Variants in TMEM108 observed in about 807,000 individuals in gnomAD.
TMEM108 encodes cancer/testis antigen 124.
In TMEM108, 12 loss-of-function variants were observed where a neutral mutation model predicts 35.1. The observed-to-expected ratio is 0.34, with a 90% CI of 0.22 to 0.55. TMEM108 has a LOEUF of 0.55. TMEM108 is among the 20% of genes least tolerant of loss of function. TMEM108 has a pLI of 0.89. For synonymous variants in TMEM108, 287 were observed against 308.6 expected (o/e 0.93, Z 0.73); for missense variants, 680 against 753.3 (o/e 0.90, Z 1.14).
chr3:133,039,120 C>T (rs553649279), intron 1 of TMEM108, among the ~76,000 whole-genome samples: 1 of 152,182 alleles, frequency 6.6e-6, no homozygotes, highest in African/African-American at 2.4e-5. Flanking sequence ...AGTTGGGCAC[C>T]GGTGGAGCCG....
chr3:133,124,112 C>G (rs752749830), intron 2 of TMEM108, among the ~76,000 whole-genome samples: 5 of 152,140 alleles, frequency 3.3e-5, no homozygotes, highest in African/African-American at 1.2e-4. Context: ...AGTATTTCAT[C>G]TTAGGGTACC....
intron 5 of TMEM108, among the ~76,000 whole-genome samples, chr3:133,393,871 C>T (rs1375403284): frequency 1.3e-5 from 2 of 152,184 alleles, no homozygotes; most frequent in African/African-American, 4.8e-5. Context: ...GCACAGAGCA[C>T]GAGGGCTGCC....
At chr3:133,237,718 C>A (rs1251411868) in intron 3 of TMEM108, among the ~76,000 whole-genome samples, 1 of 152,078 alleles carries the variant, frequency 6.6e-6, no homozygotes, top group Non-Finnish European at 1.5e-5. Flanking sequence ...GATAAGAGAA[C>A]CAGCTGTCTT....
chr3:133,284,531 C>G (rs1946958503), intron 3 of TMEM108, among the ~76,000 whole-genome samples: 2 of 152,222 alleles, frequency 1.3e-5, no homozygotes, highest in Admixed American at 1.3e-4. Flanking sequence ...GGCTGACATT[C>G]CTACCTTGTC....
chr3:133,291,427 T>C (rs565534597), intron 3 of TMEM108, among the ~76,000 whole-genome samples: 13 of 152,182 alleles, frequency 8.5e-5, no homozygotes, highest in Admixed American at 5.9e-4. Context: ...CTCATAAGCA[T>C]GTACCACCAC....
rs897593495 is a variant in TMEM108, at chr3:133,259,095, T to G, written c.40+29744T>G. On this transcript the variant is annotated intron_variant, in intron 3 of 5. Transcript: ENST00000321871. ...TCTCCCAGTTACCAAGGAGACCTTA[T>G]TGGCCTTAATACATTACCACCACTA... 2.0e-5 allele frequency among the ~76,000 whole-genome samples: 3 copies of G among 152,214 alleles called. No individual in the cohort carries two copies. In the East Asian group the frequency reaches 5.8e-4, roughly 29 times the overall value.
chr3:133,129,234 TC>T (rs1944456831), intron 2 of TMEM108, among the ~76,000 whole-genome samples: 1 of 151,844 alleles, frequency 6.6e-6, no homozygotes, highest in African/African-American at 2.4e-5. Flanking sequence ...TCCCGGCTAT[TC>T]AGGAGGCTGA....
intron 3 of TMEM108, among the ~76,000 whole-genome samples, chr3:133,259,170 T>C (rs1946590084): frequency 1.3e-5 from 2 of 152,262 alleles, no homozygotes; most frequent in Non-Finnish European, 1.5e-5. Flanking sequence ...CACTTCGTAC[T>C]TTAATAAACC....
intron 2 of TMEM108, among the ~76,000 whole-genome samples, chr3:133,091,393 T>A (rs1943945188): frequency 6.6e-6 from 1 of 152,204 alleles, no homozygotes; most frequent in East Asian, 1.9e-4. Flanking sequence ...GCTATTCTTA[T>A]GGACTTGTTG....
chr3:133,163,348 C>T (rs866357652), intron 2 of TMEM108, among the ~76,000 whole-genome samples: 1 of 152,260 alleles, frequency 6.6e-6, no homozygotes, highest in Middle Eastern at 3.4e-3. Context: ...AAGGCAACAG[C>T]CAAGAGAAGT....
At chr3:133,350,818 G>A (rs955517632) in intron 3 of TMEM108, among the ~76,000 whole-genome samples, 3 of 152,122 alleles carry the variant, frequency 2.0e-5, no homozygotes, top group African/African-American at 7.2e-5. Context: ...TACAAAAATA[G>A]GGTGTAAAGG....
At chr3:133,128,037 A>G (rs1464401) in intron 2 of TMEM108, among the ~76,000 whole-genome samples, 48,339 of 152,104 alleles carry the variant, frequency 0.32, 9,099 homozygotes, top group Non-Finnish European at 0.42. Context: ...CTGTTCCCTA[A>G]AGAGGAAGAA....
chr3:133,083,758 C>T (rs1344743603), intron 2 of TMEM108, among the ~76,000 whole-genome samples: 2 of 151,950 alleles, frequency 1.3e-5, no homozygotes, highest in East Asian at 3.9e-4. Flanking sequence ...GCACATTTTG[C>T]TAAGGGACTT....
At chr3:133,162,161 T>C (rs1944970150) in intron 2 of TMEM108, among the ~76,000 whole-genome samples, 1 of 151,934 alleles carries the variant, frequency 6.6e-6, no homozygotes, top group African/African-American at 2.4e-5. Context: ...TTTTTTTTTT[T>C]CATATATACA....
chr3:133,282,030 A>G (rs112158082), intron 3 of TMEM108, among the ~76,000 whole-genome samples: 146 of 152,184 alleles, frequency 9.6e-4, no homozygotes, highest in African/African-American at 3.2e-3. Flanking sequence ...GGTGGCAGGC[A>G]CCTGTAGTCC....
chr3:133,038,964 CG>C (rs201819874), intron 1 of TMEM108, among the ~76,000 whole-genome samples: 36,970 of 152,102 alleles, frequency 0.24, 5,323 homozygotes, highest in Non-Finnish European at 0.32. Flanking sequence ...GCGGCCTCGC[CG>C]GGGACGGAGC....
chr3:133,266,250 A>G (rs1413670314), intron 3 of TMEM108, among the ~76,000 whole-genome samples: 2 of 152,110 alleles, frequency 1.3e-5, no homozygotes, highest in African/African-American at 2.4e-5. Flanking sequence ...TAAACCACCT[A>G]TCTCCCTTGG....
rs148214923 is a variant in TMEM108, at chr3:133,346,595, C to T, written c.41-33157C>T. The stretch of plus-strand genomic sequence containing the variant: ...ATGTATGCAATTATTTTCTTCCAGT[C>T]GATGGCTTGTCTTTTATTCTTTGAA... On this transcript the variant is annotated intron_variant, in intron 3 of 5. Transcript: ENST00000321871. The surrounding 1 kb of genome is among the most constrained non-coding windows in gnomAD (Gnocchi z 4.0). 5.0e-3 allele frequency among the ~76,000 whole-genome samples: 767 copies of T among 152,024 alleles called. 7 individuals are homozygous for T. The highest frequency in any genetic ancestry group is 8.3e-3 in the Non-Finnish European group (565 of 67,888).
At chr3:133,258,363 A>G (rs1318993345) in intron 3 of TMEM108, among the ~76,000 whole-genome samples, 1 of 152,174 alleles carries the variant, frequency 6.6e-6, no homozygotes, top group Non-Finnish European at 1.5e-5. Context: ...TCCTCACCAT[A>G]GTTTCCATCA....
Sources: allele counts gnomAD v4.1 joint callset (sites outside exome capture counted in the v4.1 genomes callset), GRCh38; gene constraint gnomAD v4.1.1; non-coding constraint Gnocchi (gnomAD v3.1); transcripts MANE v1.5; gene names NCBI Gene and HGNC (gene_info 2026-07-23, HGNC 2026-07-21).